The following SLC36A1 variants were observed in gnomAD, a reference collection of about 807,000 sequenced individuals.
SLC36A1 encodes the protein proton-coupled amino acid transporter 1.
SLC36A1 carries 30 observed loss-of-function variants against 47.5 expected under a neutral mutation model. That is an observed-to-expected ratio of 0.63 (90% confidence interval 0.47 to 0.86). SLC36A1 has a LOEUF of 0.86. Among genes scored for constraint, SLC36A1 ranks in the 40% least tolerant of loss-of-function variants. The pLI is 0.00. For synonymous variants in SLC36A1, 255 were observed against 249.7 expected (o/e 1.02, Z -0.20); for missense variants, 517 against 606.0 (o/e 0.85, Z 1.54).
In SLC36A1 at chr5:151,488,000, A is replaced by T. The variant is rs983734096; in HGVS notation, c.1177A>T (p.Ile393Phe). The change falls in exon 11 of 11, where the codon ATC becomes TTC. Residue 393 changes from isoleucine (I) to phenylalanine (F), a missense_variant. By Grantham distance (21) the Ile-to-Phe change is conservative (BLOSUM62 0). Coordinates refer to ENST00000243389, the MANE Select transcript of SLC36A1 (RefSeq NM_078483.4). ...VCLTCILAIL[I>F]PRLDLVISLV... The stretch of plus-strand genomic sequence containing the variant: ...CCCTGCAGGCATCTTGGCCATCCTC[A>T]TCCCCCGCCTGGACCTGGTCATCTC... 6.2e-7 allele frequency: 1 copy of T among 1,613,880 alleles called. No homozygotes were observed. Among genetic ancestry groups the T allele is most frequent in the Non-Finnish European group, 8.5e-7 (1 of 1,179,992 alleles).
chr5:151,493,025 TG>T (rs1444069357), downstream of SLC36A1, among the ~76,000 whole-genome samples: 1 of 152,208 alleles, frequency 6.6e-6, no homozygotes. Flanking sequence ...TGTGTGTGTG[TG>T]TATATATATA....
the SLC36A1 span, among the ~76,000 whole-genome samples, chr5:151,370,638 A>C: frequency 6.6e-6 from 1 of 152,206 alleles, no homozygotes; most frequent in Admixed American, 6.5e-5. Context: ...TCATTAAATT[A>C]TAATATCAAA....
At chr5:151,464,094 C>T (rs1163084380) in intron 3 of SLC36A1, among the ~76,000 whole-genome samples, 2 of 152,176 alleles carry the variant, frequency 1.3e-5, no homozygotes, top group Non-Finnish European at 2.9e-5. Flanking sequence ...TGGTTTCTTT[C>T]GGAGTTGAAG....
At chr5:151,423,052 C>A in the SLC36A1 span, among the ~76,000 whole-genome samples, 1 of 152,146 alleles carries the variant, frequency 6.6e-6, no homozygotes, top group Non-Finnish European at 1.5e-5. Context: ...TCATATGTCA[C>A]CAGAGAACTG....
At chr5:151,543,925 A>C in the SLC36A1 span, 1 of 1,614,138 alleles carries the variant, frequency 6.2e-7, no homozygotes, top group Non-Finnish European at 8.5e-7. Context: ...AATAGCCTGG[A>C]CTTTAAGAAC....
At chr5:151,437,367 C>G (rs1277733404) in intron 1 of SLC36A1, among the ~76,000 whole-genome samples, 1 of 152,082 alleles carries the variant, frequency 6.6e-6, no homozygotes, top group Non-Finnish European at 1.5e-5. Context: ...TTATTTTAAC[C>G]AAAGAATTTA....
chr5:151,368,356 C>G, the SLC36A1 span, among the ~76,000 whole-genome samples: 1 of 152,250 alleles, frequency 6.6e-6, no homozygotes, highest in Non-Finnish European at 1.5e-5. Context: ...TTTGCTAGAT[C>G]TGTGTCTCTT....
At chr5:151,529,250 C>T in the SLC36A1 span, 2 of 1,613,998 alleles carry the variant, frequency 1.2e-6, no homozygotes, top group South Asian at 2.2e-5. Flanking sequence ...GGAATTGGGG[C>T]CGGTGTTCAT....
At chr5:151,480,510 C>T (rs1205814401) in intron 10 of SLC36A1, among the ~76,000 whole-genome samples, 2 of 152,174 alleles carry the variant, frequency 1.3e-5, no homozygotes, top group Admixed American at 1.3e-4. Context: ...CAGGCCCTCT[C>T]CTAGACCAGC....
intron 2 of SLC36A1, among the ~76,000 whole-genome samples, chr5:151,460,861 T>G (rs1755402255): frequency 6.7e-6 from 1 of 150,004 alleles, no homozygotes; most frequent in Non-Finnish European, 1.5e-5. Flanking sequence ...TACATGGAAG[T>G]ACTTCTACAC....
chr5:151,392,905 A>C, the SLC36A1 span, among the ~76,000 whole-genome samples: 1 of 152,176 alleles, frequency 6.6e-6, no homozygotes, highest in African/African-American at 2.4e-5. Flanking sequence ...AGTTCTGTAG[A>C]TGTCTATTAG....
chr5:151,521,503 T>C, the SLC36A1 span: 1 of 1,614,220 alleles, frequency 6.2e-7, no homozygotes, highest in Non-Finnish European at 8.5e-7. Context: ...TGCTAGCTCC[T>C]GAAACTCGTA....
In SLC36A1 at chr5:151,454,351, C is replaced by T. The variant is rs190926871; in HGVS notation, c.-5-4437C>T. On this transcript the variant is annotated intron_variant, in intron 1 of 10. Transcript: ENST00000243389. The stretch of plus-strand genomic sequence containing the variant: ...GGCTATCAGATTTCATCAAAGGGAG[C>T]CTAAGGGCAGTGTGGCCATGGATGC... 3.3e-3 allele frequency among the ~76,000 whole-genome samples: 505 copies of T among 152,102 alleles called. 1 individual carries two copies. Among genetic ancestry groups the T allele is most frequent in the Non-Finnish European group, 5.1e-3 (350 of 67,982 alleles).
At chr5:151,524,271 T>A in the SLC36A1 span, among the ~76,000 whole-genome samples, 6 of 152,246 alleles carry the variant, frequency 3.9e-5, no homozygotes, top group African/African-American at 1.4e-4. Flanking sequence ...CAGTCTTGAT[T>A]TTTACCTGTT....
upstream of SLC36A1, among the ~76,000 whole-genome samples, chr5:151,444,949 T>C (rs887200683): frequency 3.3e-5 from 5 of 152,252 alleles, no homozygotes; most frequent in African/African-American, 1.2e-4. Context: ...TTTGCTTTTT[T>C]GGCTGATTGC....
the SLC36A1 span, chr5:151,512,364 G>C: frequency 6.2e-7 from 1 of 1,614,240 alleles, no homozygotes; most frequent in Non-Finnish European, 8.5e-7. This position sits in a 1 kb window ranked among gnomAD's most constrained non-coding sequence, Gnocchi z 4.1. Context: ...AGACATTCGA[G>C]GAAGAATGCA....
the SLC36A1 span, among the ~76,000 whole-genome samples, chr5:151,400,374 A>G: frequency 1.3e-5 from 2 of 152,212 alleles, no homozygotes; most frequent in Non-Finnish European, 2.9e-5. Context: ...TCCATGTGGT[A>G]TATGTACCAC....
chr5:151,372,529 G>A, the SLC36A1 span, among the ~76,000 whole-genome samples: 1 of 151,926 alleles, frequency 6.6e-6, no homozygotes, highest in Admixed American at 6.6e-5. Context: ...CTGCGTCCTG[G>A]AACTCCTGGG....
chr5:151,540,011 T>C, the SLC36A1 span, among the ~76,000 whole-genome samples: 3 of 152,172 alleles, frequency 2.0e-5, no homozygotes, highest in African/African-American at 7.2e-5. Context: ...TTGTCTGGGG[T>C]CAGGTCTCTG....
Sources: gnomAD v4.1 joint callset for allele counts (sites outside exome capture counted in the v4.1 genomes callset) on GRCh38, gnomAD v4.1.1 for gene constraint, Gnocchi (gnomAD v3.1) non-coding constraint, MANE v1.5 for transcripts, NCBI Gene and HGNC (gene_info 2026-07-23, HGNC 2026-07-21) for gene names.